Variants in NEBL observed in about 807,000 individuals in gnomAD.
NEBL encodes nebulette, also known as LIM and SH3 protein 2.
A neutral mutation model predicts 140.2 loss-of-function variants in NEBL; 122 were observed. The observed-to-expected ratio is 0.87, with a 90% CI of 0.75 to 1.01. NEBL has a LOEUF of 1.01. Among genes scored for constraint, NEBL ranks in the 50% least tolerant of loss-of-function variants. NEBL has a pLI of 0.00. For missense variants in NEBL, 1,365 were observed against 1,231.3 expected, an observed-to-expected ratio of 1.11 and a Z score of -1.62; for synonymous variants, 436 against 398.9, an observed-to-expected ratio of 1.09 and a Z score of -1.11.
intron 2 of NEBL, among the ~76,000 whole-genome samples, chr10:21,167,458 T>C (rs1840827112): frequency 6.6e-6 from 1 of 152,252 alleles, no homozygotes; most frequent in African/African-American, 2.4e-5. Flanking sequence ...GGGGAAATTA[T>C]TGGCAAGGTC....
chr10:21,151,813 C>T (rs922475405), intron 2 of NEBL, among the ~76,000 whole-genome samples: 1 of 152,184 alleles, frequency 6.6e-6, no homozygotes, highest in African/African-American at 2.4e-5. Flanking sequence ...GCAAACTCTC[C>T]TCCAACCCCC....
Position 20,813,069 on chromosome 10 carries a change from A to G in NEBL, c.2347-129T>C, listed in dbSNP as rs1838338419. Reference sequence around the variant, plus strand: ...GTCTACATGTATGTATCTTTTCCAAATACTCCAAAACTAAAGTCTGGAACT... The same window carrying G: ...GTCTACATGTATGTATCTTTTCCAAGTACTCCAAAACTAAAGTCTGGAACT... On this transcript the variant is annotated intron_variant, in intron 23 of 27. Coordinates refer to ENST00000377122, the MANE Select transcript of NEBL (RefSeq NM_006393.3). 4 of 786,604 alleles carry G rather than the reference A, an allele frequency of 5.1e-6. No homozygotes were observed. The Admixed American group carries it at 6.2e-5, about 12-fold the overall frequency. 48.7% of individuals were successfully genotyped at this position (786,604 alleles called of 1,614,324 possible). A position where few individuals can be genotyped will look rare whatever the true frequency, so the allele number is the denominator to read the frequency against.
At chr10:20,822,563 TATATAGAGATATATACAGACTATCTA>T (rs1839436939) in intron 19 of NEBL, among the ~76,000 whole-genome samples, 4 of 151,514 alleles carry the variant, frequency 2.6e-5, no homozygotes, top group Non-Finnish European at 5.9e-5. Flanking sequence ...ATAGAAAGAC[TATATAGAGATATATACAGACTATCTA>T]ATATAGACTA....
upstream of NEBL, among the ~76,000 whole-genome samples, chr10:20,900,302 C>T (rs917568295): frequency 1.8e-4 from 27 of 152,198 alleles, no homozygotes; most frequent in Admixed American, 4.6e-4. Context: ...CTGCCATGTC[C>T]TCTAGGGCAA....
chr10:21,102,527 G>A (rs1441736439), intron 2 of NEBL, among the ~76,000 whole-genome samples: 1 of 152,184 alleles, frequency 6.6e-6, no homozygotes, highest in African/African-American at 2.4e-5. Flanking sequence ...GCCATATAGT[G>A]TGGACAAATT....
chr10:20,916,208 G>A (rs1279249200), intron 4 of NEBL, among the ~76,000 whole-genome samples: 1 of 152,122 alleles, frequency 6.6e-6, no homozygotes, highest in Non-Finnish European at 1.5e-5. Context: ...CATGGGTTAT[G>A]GAGTTCCCAA....
chr10:21,015,298 A>G (rs983268919), intron 3 of NEBL, among the ~76,000 whole-genome samples: 9 of 152,236 alleles, frequency 5.9e-5, no homozygotes, highest in Non-Finnish European at 1.0e-4. Context: ...CGGTAGCTCC[A>G]TGTTGTTGTC....
intron 3 of NEBL, among the ~76,000 whole-genome samples, chr10:20,992,564 A>G (rs1262510393): frequency 6.6e-6 from 1 of 152,106 alleles, no homozygotes; most frequent in South Asian, 2.1e-4. Flanking sequence ...GTGACCTCTT[A>G]TCAGCAGATT....
At chr10:21,103,304 T>C (rs934718516) in intron 2 of NEBL, among the ~76,000 whole-genome samples, 2 of 151,446 alleles carry the variant, frequency 1.3e-5, no homozygotes, top group Non-Finnish European at 2.9e-5. Flanking sequence ...AGCTCCGCCT[T>C]CCGGGTTCAT....
chr10:21,076,212 G>A (rs1056867587), intron 2 of NEBL, among the ~76,000 whole-genome samples: 1 of 152,030 alleles, frequency 6.6e-6, no homozygotes, highest in Non-Finnish European at 1.5e-5. Context: ...GGAGGCCGAG[G>A]AGGGTGGATC....
At chr10:21,175,331 A>T (rs1476216368), upstream of NEBL, among the ~76,000 whole-genome samples, 1 of 152,234 alleles carries the variant, frequency 6.6e-6, no homozygotes, top group Non-Finnish European at 1.5e-5. Flanking sequence ...AGCAGTTCCG[A>T]ACTGCTTCAA....
chr10:20,947,729 C>T (rs750350155), intron 4 of NEBL, among the ~76,000 whole-genome samples: 10 of 150,062 alleles, frequency 6.7e-5, no homozygotes, highest in Non-Finnish European at 1.5e-4. Flanking sequence ...TGTCAGGAGA[C>T]AAAAGGGTAA....
intron 3 of NEBL, among the ~76,000 whole-genome samples, chr10:20,993,146 C>T (rs945356079): frequency 6.6e-6 from 1 of 151,896 alleles, no homozygotes; most frequent in African/African-American, 2.4e-5. Flanking sequence ...GTCTACGTGA[C>T]GTTTTAAAAC....
rs1045018443 is a variant in NEBL at position 20,779,983 on chromosome 10, G to C, written c.*5764C>G. 6.6e-6 allele frequency: 1 copy of C among 152,146 alleles called. No individual in the cohort carries two copies. The highest frequency in any genetic ancestry group is 6.5e-5 in the Admixed American group (1 of 15,272). 9.4% of individuals were successfully genotyped at this position (152,146 alleles called of 1,614,324 possible). On this transcript the variant is annotated 3_prime_UTR_variant, in exon 28 of 28. Coordinates refer to ENST00000377122, the MANE Select transcript of NEBL (RefSeq NM_006393.3). ...ACAGAAAATCCAATATTTGGAAGAAGTGTTTATTCTACGAGCAGATGTCAT... is the reference window on the plus strand; with the variant it reads ...ACAGAAAATCCAATATTTGGAAGAACTGTTTATTCTACGAGCAGATGTCAT...
At chr10:21,186,298 A>C (rs1841470611) in intron 3 of NEBL, among the ~76,000 whole-genome samples, 1 of 149,470 alleles carries the variant, frequency 6.7e-6, no homozygotes, top group Admixed American at 6.7e-5. Flanking sequence ...ACACACACAC[A>C]CATTCCCCCC....
At chr10:20,799,064 T>C (rs1564333932) in intron 26 of NEBL, among the ~76,000 whole-genome samples, 2 of 152,202 alleles carry the variant, frequency 1.3e-5, no homozygotes. Context: ...ACAGACTAGA[T>C]GGTAAAATAT....
chr10:20,832,930 T>G (rs1840551667), intron 14 of NEBL, among the ~76,000 whole-genome samples: 1 of 152,264 alleles, frequency 6.6e-6, no homozygotes, highest in African/African-American at 2.4e-5. Context: ...AAAAGCACTC[T>G]GTTTTAGTCA....
At chr10:21,055,320 G>C (rs912508988) in intron 2 of NEBL, among the ~76,000 whole-genome samples, 1 of 149,456 alleles carries the variant, frequency 6.7e-6, no homozygotes, top group African/African-American at 2.6e-5. Flanking sequence ...ATTGTAAAGA[G>C]GGAAATATTC....
chr10:21,057,547 T>TTA (rs1386094706), intron 2 of NEBL, among the ~76,000 whole-genome samples: 1 of 142,240 alleles, frequency 7.0e-6, no homozygotes, highest in Non-Finnish European at 1.5e-5. Flanking sequence ...AATTCCTTTT[T>TTA]TTTTTTTTTT....
Sources: allele counts gnomAD v4.1 joint callset (sites outside exome capture counted in the v4.1 genomes callset), GRCh38; gene constraint gnomAD v4.1.1; transcripts MANE v1.5; gene names NCBI Gene and HGNC (gene_info 2026-07-23, HGNC 2026-07-21).